The following DIAPH2 variants were observed in gnomAD, a reference collection of about 807,000 sequenced individuals.
The protein encoded by DIAPH2 is diaphanous related formin 2.
DIAPH2 carries 35 observed loss-of-function variants against 92.7 expected under a neutral mutation model. The ratio of observed to expected loss-of-function variants is 0.38; its 90% CI spans 0.29 to 0.50. The LOEUF (loss-of-function observed/expected upper bound fraction) is 0.50, where lower values mean the gene tolerates loss of function less well. DIAPH2 is among the 20% of genes least tolerant of loss of function. The probability of loss-of-function intolerance (pLI) is 0.94; values close to 1 mark genes in which losing one functional copy is unlikely to be tolerated. For missense variants in DIAPH2, 701 were observed against 819.5 expected, an observed-to-expected ratio of 0.86 and a Z score of 1.77; for synonymous variants, 301 against 280.4, an observed-to-expected ratio of 1.07 and a Z score of -0.73.
At chrX:96,796,315 G>A (rs1407320230) in intron 4 of DIAPH2, among the ~76,000 whole-genome samples, 1 of 110,665 alleles carries the variant, frequency 9.0e-6, no homozygotes, top group Non-Finnish European at 1.9e-5. Context: ...GAGTAGCTGG[G>A]ATTACAGGTG....
chrX:97,499,727 GA>G (rs1376408374), intron 26 of DIAPH2, among the ~76,000 whole-genome samples: 2 of 112,264 alleles, frequency 1.8e-5, no homozygotes, highest in Non-Finnish European at 3.8e-5. Flanking sequence ...ATTGGATAAA[GA>G]AAATATGGTA....
Position 97,411,709 on chromosome X carries a change from T to A in DIAPH2, c.3146-17941T>A, listed in dbSNP as rs752813735. ...CTCAAAATAAAGGGACAGAGGAAGA[T>A]CTACCAAACAAATGGAAAGCAACGA... On this transcript the variant is annotated intron_variant, in intron 25 of 26. Coordinates refer to ENST00000324765, the MANE Select transcript of DIAPH2 (RefSeq NM_006729.5). Among the ~76,000 whole-genome samples the A allele has an allele frequency of 4.5e-5, 5 of 111,522 alleles. No homozygotes were observed. The South Asian group carries it at 1.9e-3, about 42-fold the overall frequency.
intron 17 of DIAPH2, among the ~76,000 whole-genome samples, chrX:97,021,687 A>C (rs776773567): frequency 8.9e-6 from 1 of 112,144 alleles, no homozygotes; most frequent in East Asian, 2.8e-4. Context: ...ATAGTTAATA[A>C]GTAGAATAGT....
At chrX:97,103,610 C>T (rs145264502) in intron 20 of DIAPH2, among the ~76,000 whole-genome samples, 129 of 112,151 alleles carry the variant, frequency 1.2e-3, no homozygotes, top group African/African-American at 3.9e-3. Context: ...TTAACCATTA[C>T]AATATACATT....
At chrX:96,959,860 T>G (rs761426218) in intron 16 of DIAPH2, among the ~76,000 whole-genome samples, 1 of 111,802 alleles carries the variant, frequency 8.9e-6, no homozygotes, top group Non-Finnish European at 1.9e-5. Context: ...CTATCATCAT[T>G]TATTGAAGAG....
At chrX:97,225,325 C>G in intron 22 of DIAPH2, among the ~76,000 whole-genome samples, 1 of 111,329 alleles carries the variant, frequency 9.0e-6, no homozygotes, top group Non-Finnish European at 1.9e-5. Flanking sequence ...AATCTAGAAA[C>G]TGGTTTAGAG....
chrX:97,427,474 C>T (rs1047751902), intron 25 of DIAPH2, among the ~76,000 whole-genome samples: 1 of 111,288 alleles, frequency 9.0e-6, no homozygotes, highest in Admixed American at 9.6e-5. Context: ...ACATATAGTT[C>T]TTATCTCAGT....
chrX:97,537,805 A>G (rs2071107671), intron 26 of DIAPH2, among the ~76,000 whole-genome samples: 1 of 111,319 alleles, frequency 9.0e-6, no homozygotes, highest in Non-Finnish European at 1.9e-5. Context: ...CTTATTTGAA[A>G]TCGAAGCCTT....
intron 21 of DIAPH2, among the ~76,000 whole-genome samples, chrX:97,116,839 C>A (rs760875071): frequency 8.9e-4 from 99 of 111,493 alleles, no homozygotes; most frequent in Middle Eastern, 4.6e-3. Context: ...TACATAGGAA[C>A]AAAAGGTTAC....
intron 23 of DIAPH2, among the ~76,000 whole-genome samples, chrX:97,274,053 GTA>G (rs1482927528): frequency 7.9e-4 from 71 of 90,130 alleles, no homozygotes; most frequent in Admixed American, 6.6e-3. Context: ...GTGTGTGTGT[GTA>G]TAGAGAGAGA....
intron 24 of DIAPH2, among the ~76,000 whole-genome samples, chrX:97,383,048 C>G (rs777267383): frequency 1.8e-5 from 2 of 112,027 alleles, no homozygotes; most frequent in African/African-American, 6.5e-5. Context: ...TTTACCTGAA[C>G]TCAAAGGAAG....
intron 23 of DIAPH2, among the ~76,000 whole-genome samples, chrX:97,294,043 A>G (rs953131252): frequency 8.9e-6 from 1 of 112,271 alleles, no homozygotes; most frequent in Non-Finnish European, 1.9e-5. Flanking sequence ...GTTCAGCAGA[A>G]TTTATTGGCT....
intron 5 of DIAPH2, among the ~76,000 whole-genome samples, chrX:96,892,155 G>C (rs1013309974): frequency 9.0e-6 from 1 of 111,608 alleles, no homozygotes; most frequent in Non-Finnish European, 1.9e-5. Flanking sequence ...GCGGCCAACA[G>C]TACTTAGAAA....
At chrX:97,300,846 G>C (rs1176981219) in intron 23 of DIAPH2, among the ~76,000 whole-genome samples, 1 of 97,101 alleles carries the variant, frequency 1.0e-5, no homozygotes, top group Non-Finnish European at 2.0e-5. Flanking sequence ...GCAGGAGAAT[G>C]GCGTGAACCC....
intron 9 of DIAPH2, among the ~76,000 whole-genome samples, chrX:96,920,527 G>A (rs1015474973): frequency 2.7e-5 from 3 of 111,982 alleles, no homozygotes; most frequent in Non-Finnish European, 5.6e-5. Context: ...TCAGGGAATT[G>A]AATTGGTGGA....
intron 26 of DIAPH2, among the ~76,000 whole-genome samples, chrX:97,512,383 A>G (rs1477506944): frequency 4.5e-5 from 5 of 112,209 alleles, no homozygotes; most frequent in African/African-American, 1.6e-4. Flanking sequence ...TATTGCGTCT[A>G]TTTGATTCTT....
intron 26 of DIAPH2, among the ~76,000 whole-genome samples, chrX:97,527,674 TAAAC>T (rs907159885): frequency 8.9e-6 from 1 of 112,292 alleles, no homozygotes; most frequent in African/African-American, 3.2e-5. Flanking sequence ...TACTACTAAT[TAAAC>T]AAAAGCAATA....
chrX:97,048,585 C>G (rs886240661), intron 17 of DIAPH2, among the ~76,000 whole-genome samples: 9 of 110,967 alleles, frequency 8.1e-5, no homozygotes, highest in Non-Finnish European at 1.7e-4. Context: ...TAAGACCATG[C>G]ACATATCTTG....
At chrX:97,528,681 A>G (rs2147849563) in intron 26 of DIAPH2, 1 of 112,062 alleles carries the variant, frequency 8.9e-6, no homozygotes, top group Admixed American at 9.5e-5. Context: ...ATCGGGCCCC[A>G]CTTCCAACAT....
Sources: allele counts gnomAD v4.1 joint callset (sites outside exome capture counted in the v4.1 genomes callset), GRCh38; gene constraint gnomAD v4.1.1; transcripts MANE v1.5; gene names NCBI Gene and HGNC (gene_info 2026-07-23, HGNC 2026-07-21).